The following EPHB1 variants were observed in gnomAD, a reference collection of about 807,000 sequenced individuals.
The protein encoded by EPHB1 is EPH receptor B1, also known as ephrin type-B receptor 1.
A neutral mutation model predicts 94.4 loss-of-function variants in EPHB1; 30 were observed. That is an observed-to-expected ratio of 0.32 (90% CI 0.24 to 0.43). The LOEUF is 0.43. Ranked by LOEUF, EPHB1 falls within the 20% of genes least tolerant of loss-of-function variation. EPHB1 has a pLI of 1.00. For missense variants in EPHB1, 1,055 were observed against 1,308.3 expected (o/e 0.81, Z 2.99); for synonymous variants, 522 against 489.1 (o/e 1.07, Z -0.89).
chr3:134,821,190 C>T (rs996101436), intron 1 of EPHB1, among the ~76,000 whole-genome samples: 2 of 152,300 alleles, frequency 1.3e-5, no homozygotes, highest in East Asian at 1.9e-4. Context: ...TCTATTCAAG[C>T]CTTCAACTGA....
intron 12 of EPHB1, among the ~76,000 whole-genome samples, chr3:135,237,985 A>G (rs1002121341): frequency 6.6e-6 from 1 of 152,214 alleles, no homozygotes; most frequent in Non-Finnish European, 1.5e-5. Flanking sequence ...GCTGGTCACC[A>G]TCCTCTAAAT....
At chr3:135,004,467 G>A (rs1315957807) in intron 3 of EPHB1, among the ~76,000 whole-genome samples, 1 of 152,084 alleles carries the variant, frequency 6.6e-6, no homozygotes, top group Admixed American at 6.6e-5. Flanking sequence ...GAGTATCTTT[G>A]TGGCGTTCTC....
chr3:134,916,904 C>T (rs963832399), intron 1 of EPHB1, among the ~76,000 whole-genome samples: 1 of 152,210 alleles, frequency 6.6e-6, no homozygotes, highest in Non-Finnish European at 1.5e-5. Flanking sequence ...GCGAGGGCTG[C>T]CAGCACACTG....
intron 1 of EPHB1, among the ~76,000 whole-genome samples, chr3:134,812,835 C>T (rs1227463110): frequency 1.3e-5 from 2 of 152,140 alleles, no homozygotes; most frequent in African/African-American, 2.4e-5. Context: ...TGTTTGTTTT[C>T]GTTTGCATTT....
Position 134,909,120 on chromosome 3 carries a change from G to GGGGGT in EPHB1, c.59-16695_59-16694insGGGTG, listed in dbSNP as rs1553864851. ...CAGTACACACAAGGTGGGGGCGGGG[G>GGGGGT]GCGGGCTGGAAGAAAAGCTGATGGA... On this transcript the variant is annotated intron_variant, in intron 1 of 15. Transcript: ENST00000398015. 2.9e-3 allele frequency among the ~76,000 whole-genome samples: 315 copies of GGGGGT among 110,486 alleles called. 6 individuals carry two copies. The highest frequency in any genetic ancestry group is 0.011 in the African/African-American group (296 of 27,316). The allele number at this position is 110,486 out of a possible 152,430, so 72.5% of individuals were successfully genotyped here.
intron 1 of EPHB1, among the ~76,000 whole-genome samples, chr3:134,800,027 G>A (rs567955653): frequency 6.6e-6 from 1 of 152,310 alleles, no homozygotes; most frequent in South Asian, 2.1e-4. Context: ...GGCAATGAAA[G>A]GAATATATGG....
chr3:135,251,882 G>A (rs773997659), intron 15 of EPHB1, among the ~76,000 whole-genome samples: 6 of 152,188 alleles, frequency 3.9e-5, no homozygotes, highest in Non-Finnish European at 8.8e-5. Context: ...GACCTTGGAA[G>A]AGTTCTGCCA....
chr3:135,112,048 A>G (rs1162986424), intron 4 of EPHB1, among the ~76,000 whole-genome samples: 2 of 152,248 alleles, frequency 1.3e-5, no homozygotes, highest in African/African-American at 4.8e-5. Flanking sequence ...GGCTGGGAGC[A>G]GTGACCAGGG....
chr3:135,022,395 A>G (rs1242466912), intron 3 of EPHB1, among the ~76,000 whole-genome samples: 3 of 152,224 alleles, frequency 2.0e-5, no homozygotes, highest in Non-Finnish European at 4.4e-5. Context: ...TCATAAAATG[A>G]ACTAGACAGA....
At chr3:135,012,367 A>C (rs1439414559) in intron 3 of EPHB1, among the ~76,000 whole-genome samples, 1 of 152,232 alleles carries the variant, frequency 6.6e-6, no homozygotes, top group African/African-American at 2.4e-5. Context: ...ACTTCCTGGA[A>C]TAGCACATGG....
intron 1 of EPHB1, among the ~76,000 whole-genome samples, chr3:134,859,273 C>T (rs951803183): frequency 5.9e-5 from 9 of 152,120 alleles, no homozygotes; most frequent in East Asian, 5.8e-4. Flanking sequence ...GGTGACCGAC[C>T]GGCAGAGAAG....
chr3:135,224,790 A>G (rs1038911862), intron 12 of EPHB1, among the ~76,000 whole-genome samples: 4 of 152,178 alleles, frequency 2.6e-5, no homozygotes, highest in African/African-American at 4.8e-5. Context: ...TAGTTCCATA[A>G]TCCAGTCAAA....
At chr3:135,235,448 C>G (rs1943629463) in intron 12 of EPHB1, among the ~76,000 whole-genome samples, 1 of 152,114 alleles carries the variant, frequency 6.6e-6, no homozygotes, top group Admixed American at 6.5e-5. Flanking sequence ...CCAGTAGGTT[C>G]TGATACACAT....
intron 1 of EPHB1, among the ~76,000 whole-genome samples, chr3:134,889,419 G>C (rs2037922576): frequency 6.6e-6 from 1 of 152,166 alleles, no homozygotes; most frequent in South Asian, 2.1e-4. Context: ...TTATGGTAAG[G>C]GAGACGAGGT....
At chr3:135,063,520 G>A (rs543757590) in intron 3 of EPHB1, among the ~76,000 whole-genome samples, 11 of 152,240 alleles carry the variant, frequency 7.2e-5, no homozygotes, top group Admixed American at 2.6e-4. Flanking sequence ...AAGAGCTAAC[G>A]ATTTGTGTAC....
chr3:134,901,058 T>A (rs1021204329), intron 1 of EPHB1, among the ~76,000 whole-genome samples: 7 of 150,396 alleles, frequency 4.7e-5, no homozygotes, highest in South Asian at 2.1e-4. Context: ...AACTTCTTTT[T>A]AAAAAAAAAA....
rs188449658 is a variant in EPHB1 at position 135,170,520 on chromosome 3, T to G, written c.1759+3514T>G. On this transcript the variant is annotated intron_variant, in intron 9 of 15. Transcript: ENST00000398015. Reference sequence around the variant, plus strand: ...GTTCAAGGGTGGGAGGGTGGGGATGTGGCTTTCCGAGTCCTGGAAGAGGCA... The same window carrying G: ...GTTCAAGGGTGGGAGGGTGGGGATGGGGCTTTCCGAGTCCTGGAAGAGGCA... 5.6e-3 allele frequency among the ~76,000 whole-genome samples: 846 copies of G among 151,938 alleles called. 6 individuals are homozygous for G. Among genetic ancestry groups the G allele is most frequent in the Admixed American group, 6.6e-3 (101 of 15,230 alleles).
At chr3:134,933,996 C>T (rs1368221587) in intron 2 of EPHB1, among the ~76,000 whole-genome samples, 1 of 152,150 alleles carries the variant, frequency 6.6e-6, no homozygotes, top group Admixed American at 6.5e-5. Context: ...TTCCCTCCCT[C>T]ATACCCTCCC....
At chr3:134,885,499 G>A (rs568956371) in intron 1 of EPHB1, among the ~76,000 whole-genome samples, 38 of 152,230 alleles carry the variant, frequency 2.5e-4, no homozygotes, top group Admixed American at 4.6e-4. Flanking sequence ...ATATGCCAAC[G>A]TCCATGTATT....
Sources: gnomAD v4.1 joint callset for allele counts (sites outside exome capture counted in the v4.1 genomes callset) on GRCh38, gnomAD v4.1.1 for gene constraint, MANE v1.5 for transcripts, NCBI Gene and HGNC (gene_info 2026-07-23, HGNC 2026-07-21) for gene names.